CDH8: variants seen among roughly 807,000 people sequenced by gnomAD.
The protein encoded by CDH8 is cadherin-8.
In CDH8, 17 loss-of-function variants were observed where a neutral mutation model predicts 68.1. The observed-to-expected ratio is 0.25, with a 90% CI of 0.17 to 0.37. CDH8 has a LOEUF of 0.37. Among genes scored for constraint, CDH8 ranks in the 10% least tolerant of loss-of-function variants. The pLI, the probability that CDH8 is intolerant of heterozygous loss-of-function variation, is 1.00. For synonymous variants in CDH8, 372 were observed against 365.1 expected, an observed-to-expected ratio of 1.02 and a Z score of -0.21; for missense variants, 763 against 999.3, an observed-to-expected ratio of 0.76 and a Z score of 3.19.
In CDH8 at chr16:62,021,231, C is replaced by A. The variant is rs765500932; in HGVS notation, c.173G>T (p.Arg58Leu). The A allele has an allele frequency of 6.2e-7, 1 of 1,613,968 alleles. No individual in the cohort carries two copies. Among genetic ancestry groups the A allele is most frequent in the Non-Finnish European group, 8.5e-7 (1 of 1,179,930 alleles). ...ATTCCAAACCCAGCCTCTTTTGGAG[C>A]GGTTCAAAATTCGCTGTTCTTCACC... ...SLGEEQRILN[R>L]SKRGWVWNQM... The change falls in exon 2 of 12, where the codon CGC becomes CTC. Residue 58 changes from arginine to leucine, a missense_variant. Arg to Leu is a moderately radical substitution (Grantham distance 102). This residue lies in a region of CDH8 where 366 missense variants were observed against 563.1 expected (regional missense o/e 0.65). Coordinates refer to ENST00000577390, the MANE Select transcript of CDH8 (RefSeq NM_001796.5).
intron 2 of CDH8, among the ~76,000 whole-genome samples, chr16:61,921,724 A>G (rs1964371196): frequency 1.3e-5 from 2 of 152,198 alleles, no homozygotes; most frequent in Admixed American, 1.3e-4. Context: ...ATGGTAATCT[A>G]AGCACTTTGG....
At chr16:61,838,410 A>G (rs1304307979) in intron 4 of CDH8, among the ~76,000 whole-genome samples, 1 of 152,216 alleles carries the variant, frequency 6.6e-6, no homozygotes, top group East Asian at 1.9e-4. Flanking sequence ...ATTCAACTCA[A>G]TAAACACTCA....
At chr16:61,945,882 C>T (rs541442252) in intron 2 of CDH8, among the ~76,000 whole-genome samples, 27 of 152,194 alleles carry the variant, frequency 1.8e-4, no homozygotes, top group African/African-American at 2.9e-4. Flanking sequence ...CTATTTCCTC[C>T]GATTTTTCTT....
intron 2 of CDH8, among the ~76,000 whole-genome samples, chr16:61,979,734 T>G (rs1477847742): frequency 6.6e-6 from 1 of 152,156 alleles, no homozygotes; most frequent in African/African-American, 2.4e-5. Context: ...CAGAAATGCT[T>G]TAAGACTATC....
intron 2 of CDH8, among the ~76,000 whole-genome samples, chr16:61,968,354 A>G (rs891355553): frequency 1.6e-4 from 25 of 152,116 alleles, no homozygotes; most frequent in Non-Finnish European, 3.1e-4. Flanking sequence ...TTTCACTGCA[A>G]TCTTACAGCT....
chr16:61,726,903 G>T (rs535198623), intron 9 of CDH8, 191 bp downstream of exon 9: 2 of 575,706 alleles, frequency 3.5e-6, no homozygotes, highest in East Asian at 2.9e-5. Flanking sequence ...GAGCCAATTT[G>T]GTCATAAGTA....
At chr16:61,704,796 T>C (rs113665735) in intron 10 of CDH8, among the ~76,000 whole-genome samples, 19 of 152,310 alleles carry the variant, frequency 1.2e-4, no homozygotes, top group African/African-American at 4.1e-4. Flanking sequence ...TATGTTGGGA[T>C]AGATGAGCCT....
At chr16:61,698,468 G>A (rs1405005379) in intron 10 of CDH8, among the ~76,000 whole-genome samples, 1 of 152,054 alleles carries the variant, frequency 6.6e-6, no homozygotes, top group African/African-American at 2.4e-5. Flanking sequence ...GTGGGATCAC[G>A]GATAATATAA....
chr16:61,764,165 T>C (rs1425266193), intron 8 of CDH8, among the ~76,000 whole-genome samples: 2 of 152,096 alleles, frequency 1.3e-5, no homozygotes, highest in African/African-American at 4.8e-5. Flanking sequence ...TCATATTCCA[T>C]GAAGCAGGAA....
intron 10 of CDH8, among the ~76,000 whole-genome samples, chr16:61,702,719 A>C (rs1436820915): frequency 2.6e-5 from 4 of 152,208 alleles, no homozygotes; most frequent in Non-Finnish European, 4.4e-5. Context: ...GAAAATTATA[A>C]AATAAAATAA....
chr16:61,864,433 T>A (rs952015048), intron 3 of CDH8, among the ~76,000 whole-genome samples: 12 of 152,122 alleles, frequency 7.9e-5, no homozygotes, highest in African/African-American at 2.9e-4. Flanking sequence ...AGGAAAAAGC[T>A]GAGAAATAAG....
chr16:61,656,228 C>A (rs143064384), intron 10 of CDH8, among the ~76,000 whole-genome samples: 4 of 152,240 alleles, frequency 2.6e-5, no homozygotes, highest in African/African-American at 9.6e-5. Flanking sequence ...ATGAATGGGA[C>A]CCCCTGACGG....
At chr16:61,981,929 C>T (rs889558641) in intron 2 of CDH8, among the ~76,000 whole-genome samples, 13 of 152,056 alleles carry the variant, frequency 8.5e-5, no homozygotes, top group Non-Finnish European at 2.9e-5. Context: ...TCTTTCTCCC[C>T]TTCCTCACTT....
At chr16:61,913,551 G>A (rs554966031) in intron 2 of CDH8, among the ~76,000 whole-genome samples, 25 of 152,074 alleles carry the variant, frequency 1.6e-4, no homozygotes, top group African/African-American at 4.6e-4. Context: ...GTATGCCATC[G>A]GGTCATTCTA....
At chr16:61,950,888 A>T (rs987698942) in intron 2 of CDH8, among the ~76,000 whole-genome samples, 1 of 152,114 alleles carries the variant, frequency 6.6e-6, no homozygotes, top group Non-Finnish European at 1.5e-5. Flanking sequence ...ACTGGGGTCT[A>T]TTTGAGGGGG....
chr16:61,785,134 T>C (rs1961205053), intron 8 of CDH8, among the ~76,000 whole-genome samples: 1 of 135,478 alleles, frequency 7.4e-6, no homozygotes, highest in African/African-American at 2.8e-5. Flanking sequence ...CTTCAAAAAC[T>C]CAATGAATCC....
At chr16:62,026,232 C>A (rs1902195176) in intron 1 of CDH8, among the ~76,000 whole-genome samples, 1 of 152,170 alleles carries the variant, frequency 6.6e-6, no homozygotes. Flanking sequence ...CAATAAAGAG[C>A]CAATGCTAGC....
chr16:61,891,477 T>C (rs1378739589), intron 3 of CDH8, among the ~76,000 whole-genome samples: 1 of 152,172 alleles, frequency 6.6e-6, no homozygotes, highest in Non-Finnish European at 1.5e-5. Flanking sequence ...TTGGATAATC[T>C]GGTAATTTCT....
At chr16:61,789,263 A>G in intron 8 of CDH8, 83 bp downstream of exon 8, 1 of 1,291,454 alleles carries the variant, frequency 7.7e-7, no homozygotes, top group Non-Finnish European at 1.1e-6. Context: ...CCTAACAGAA[A>G]CAGGGGCTGC....
Sources: allele counts gnomAD v4.1 joint callset (sites outside exome capture counted in the v4.1 genomes callset), GRCh38; gene constraint gnomAD v4.1.1; regional missense constraint gnomAD v4.1.1; transcripts MANE v1.5; gene names NCBI Gene and HGNC (gene_info 2026-07-23, HGNC 2026-07-21).